Variants in MYO5B observed in about 807,000 individuals in gnomAD.
The protein encoded by MYO5B is myosin VB.
A neutral mutation model predicts 229.3 loss-of-function variants in MYO5B; 143 were observed. The ratio of observed to expected loss-of-function variants is 0.62; its 90% CI spans 0.54 to 0.72. The LOEUF is 0.72. Ranked by LOEUF, MYO5B falls within the 30% of genes least tolerant of loss-of-function variation. MYO5B has a pLI of 0.00. For synonymous variants in MYO5B, 918 were observed against 885.2 expected, an observed-to-expected ratio of 1.04 and a Z score of -0.66; for missense variants, 2,321 against 2,331.0, an observed-to-expected ratio of 1.00 and a Z score of 0.09.
chr18:49,899,729 T>C (rs776060143), intron 21 of MYO5B, among the ~76,000 whole-genome samples: 5 of 152,172 alleles, frequency 3.3e-5, no homozygotes, highest in African/African-American at 4.8e-5. Flanking sequence ...GGGGATTAAA[T>C]GAGTTAATAC....
intron 10 of MYO5B, among the ~76,000 whole-genome samples, chr18:49,966,034 CCA>C (rs2025621380): frequency 6.6e-6 from 1 of 152,102 alleles, no homozygotes; most frequent in African/African-American, 2.4e-5. Context: ...CAGTACCACC[CCA>C]GAGAGAAATG....
chr18:49,828,313 G>T (rs2023870991), intron 39 of MYO5B, among the ~76,000 whole-genome samples: 1 of 152,134 alleles, frequency 6.6e-6, no homozygotes, highest in Non-Finnish European at 1.5e-5. Context: ...TACCCTTCAA[G>T]AATGAAGGAG....
At position 50,192,319 on chromosome 18, in the gene MYO5B, T is replaced by C. The variant is rs544940164; in HGVS notation, c.27+2448A>G. 1.3e-4 allele frequency among the ~76,000 whole-genome samples: 20 copies of C among 152,328 alleles called. No individual in the cohort carries two copies. The East Asian group carries it at 3.7e-3, about 28-fold the overall frequency. On this transcript the variant is annotated intron_variant, in intron 1 of 39. Coordinates refer to ENST00000285039, the MANE Select transcript of MYO5B (RefSeq NM_001080467.3). ...GAGATCAAGACCCTGAAGCATTTCT[T>C]TGAATTGTAACGGGATGAAATGTGG...
chr18:49,963,485 C>G (rs1378775580), intron 10 of MYO5B, among the ~76,000 whole-genome samples: 1 of 151,986 alleles, frequency 6.6e-6, no homozygotes, highest in South Asian at 2.1e-4. Flanking sequence ...TGCAGAGGCG[C>G]AATCTTGGCT....
At chr18:49,831,650 A>T (rs1375003595) in intron 39 of MYO5B, among the ~76,000 whole-genome samples, 4 of 152,184 alleles carry the variant, frequency 2.6e-5, no homozygotes, top group African/African-American at 9.7e-5. Flanking sequence ...ACTCTCATGC[A>T]TTGCTGGTGG....
At chr18:49,980,647 G>T (rs2025804410) in intron 8 of MYO5B, 94 bp from the exon 9 acceptor site, 2 of 911,624 alleles carry the variant, frequency 2.2e-6, no homozygotes, top group African/African-American at 1.7e-5. Flanking sequence ...TTTTTAATAA[G>T]GTTTGATTTT....
intron 17 of MYO5B, among the ~76,000 whole-genome samples, chr18:49,919,292 C>A (rs1040139985): frequency 1.2e-4 from 16 of 136,784 alleles, no homozygotes; most frequent in African/African-American, 5.1e-4. Context: ...AATGCAATGA[C>A]ACCTAATGCA....
chr18:50,005,056 T>G lies in MYO5B; in HGVS notation c.456-3645A>C, dbSNP rs563108643. ...CCCAAGCTCTTCTAAGTAGTCACCA[T>G]GATTAAGATACCTAGGTCTCTAATT... On this transcript the variant is annotated intron_variant, in intron 4 of 39. Transcript: ENST00000285039. 3.3e-5 allele frequency among the ~76,000 whole-genome samples: 5 copies of G among 152,334 alleles called. No homozygotes were observed. In the South Asian group the frequency reaches 8.3e-4, roughly 25 times the overall value.
In MYO5B at chr18:50,036,989, C is replaced by A. The variant is rs754688861; in HGVS notation, c.316G>T (p.Val106Leu). The part of the protein sequence containing the change: ...SNHIYTYCGI[V>L]LVAINPYEQL... ...TCATAAGGATTAATGGCAACAAGTA[C>A]GATACCTGCAAACAGACAAGGTGGT... The change falls in exon 4 of 40, where the codon GTA becomes TTA. Residue 106 changes from valine to leucine, a missense_variant. By Grantham distance (32) the Val-to-Leu change is conservative. Coordinates refer to ENST00000285039, the MANE Select transcript of MYO5B (RefSeq NM_001080467.3). The A allele has an allele frequency of 2.5e-6, 4 of 1,613,958 alleles. No individual in the cohort carries two copies. The South Asian group carries it at 3.3e-5, about 13-fold the overall frequency.
At chr18:49,847,438 A>C (rs1308959814) in intron 32 of MYO5B, 149 bp from the exon 33 acceptor site, 20 of 988,112 alleles carry the variant, frequency 2.0e-5, no homozygotes, top group Non-Finnish European at 3.1e-5. Context: ...GGCAGGGGGC[A>C]TACTGGGTTC....
At chr18:49,889,003 T>G (rs533474705) in intron 22 of MYO5B, among the ~76,000 whole-genome samples, 182 of 152,264 alleles carry the variant, frequency 1.2e-3, no homozygotes, top group African/African-American at 4.1e-3. Flanking sequence ...AGGGATTATA[T>G]CGCCAGACTA....
At position 50,097,116 on chromosome 18, in the gene MYO5B, T is replaced by TC. The variant is rs1330029786; in HGVS notation, c.28-41739dup. ...GCTGTTGATATGGTTCCCTTGTCCT[T>TC]CCTCCCCTATCTTTCTTCTCAAATC... On this transcript the variant is annotated intron_variant, in intron 1 of 39. Transcript: ENST00000285039. 3 of 418,148 alleles carry TC rather than the reference T, an allele frequency of 7.2e-6. No individual in the cohort carries two copies. The East Asian group carries it at 2.2e-4, about 30-fold the overall frequency. 25.9% of individuals were successfully genotyped at this position (418,148 alleles called of 1,614,324 possible). A position where few individuals can be genotyped will look rare whatever the true frequency, so the allele number is the denominator to read the frequency against.
intron 1 of MYO5B, among the ~76,000 whole-genome samples, chr18:50,143,793 A>G (rs1222775033): frequency 6.6e-6 from 1 of 152,160 alleles, no homozygotes; most frequent in African/African-American, 2.4e-5. Context: ...CGTGCAACAC[A>G]CAATTTGTGT....
At chr18:49,996,636 T>A (rs1014839658) in intron 5 of MYO5B, among the ~76,000 whole-genome samples, 1 of 152,186 alleles carries the variant, frequency 6.6e-6, no homozygotes, top group African/African-American at 2.4e-5. Context: ...TGGACTGAAA[T>A]AATTTCAATG....
At chr18:49,974,866 G>A (rs540715714) in intron 9 of MYO5B, among the ~76,000 whole-genome samples, 1 of 144,474 alleles carries the variant, frequency 6.9e-6, no homozygotes, top group South Asian at 2.2e-4. Context: ...AGAGAGCAAT[G>A]CTCAGACTGG....
At chr18:50,048,443 G>A (rs2030297777) in intron 2 of MYO5B, among the ~76,000 whole-genome samples, 1 of 152,140 alleles carries the variant, frequency 6.6e-6, no homozygotes, top group Non-Finnish European at 1.5e-5. Context: ...CTGGTACTGA[G>A]GCTCTGCTCT....
intron 34 of MYO5B, 121 bp downstream of exon 34, chr18:49,843,120 C>T (rs2024080066): frequency 3.8e-6 from 5 of 1,304,980 alleles, no homozygotes; most frequent in Non-Finnish European, 5.5e-6. Flanking sequence ...GCTCATTTAC[C>T]TTCAAAGTTG....
chr18:49,846,942 G>T (rs2024135315), intron 33 of MYO5B, among the ~76,000 whole-genome samples: 1 of 151,480 alleles, frequency 6.6e-6, no homozygotes, highest in Non-Finnish European at 1.5e-5. Flanking sequence ...GAGAATAGCA[G>T]CTGGACACAG....
At chr18:49,995,257 C>T (rs943292631) in intron 5 of MYO5B, among the ~76,000 whole-genome samples, 7 of 137,522 alleles carry the variant, frequency 5.1e-5, no homozygotes, top group African/African-American at 8.1e-5. Flanking sequence ...CACTTATATC[C>T]TTTTTTTTTT....
Sources: gnomAD v4.1 joint callset for allele counts (sites outside exome capture counted in the v4.1 genomes callset) on GRCh38, gnomAD v4.1.1 for gene constraint, MANE v1.5 for transcripts, NCBI Gene and HGNC (gene_info 2026-07-23, HGNC 2026-07-21) for gene names.